The following PSME4 variants were observed in gnomAD, a reference collection of about 807,000 sequenced individuals.
The protein encoded by PSME4 is proteasome activator subunit 4, also known as proteasome activator complex subunit 4.
A neutral mutation model predicts 253.9 loss-of-function variants in PSME4; 89 were observed. The observed-to-expected ratio is 0.35, with a 90% confidence interval of 0.30 to 0.42. The LOEUF is 0.42. Ranked by LOEUF, PSME4 falls within the 10% of genes least tolerant of loss-of-function variation. The pLI, the probability that PSME4 is intolerant of heterozygous loss-of-function variation, is 1.00. For synonymous variants in PSME4, 851 were observed against 759.2 expected (o/e 1.12, Z -1.99); for missense variants, 2,014 against 2,195.2 (o/e 0.92, Z 1.65).
At position 53,916,542 on chromosome 2, in the gene PSME4, A is replaced by ATTTATT. The variant is rs1668072935; in HGVS notation, c.2516+2608_2516+2609insAATAAA. Among the ~76,000 whole-genome samples, 3 of 152,358 alleles carry ATTTATT rather than the reference A, an allele frequency of 2.0e-5. No individual in the cohort carries two copies. The South Asian group carries it at 6.2e-4, about 32-fold the overall frequency. On this transcript the variant is annotated intron_variant, in intron 20 of 46. Coordinates refer to ENST00000404125, the MANE Select transcript of PSME4 (RefSeq NM_014614.3). Reference sequence around the variant, plus strand: ...GCTGATAATCACCATAAATCATGCTACAGATATTCATTCTTCACACCAGGC... The same window carrying ATTTATT: ...GCTGATAATCACCATAAATCATGCTATTTATTCAGATATTCATTCTTCACACCAGGC...
rs1045880657 is a variant in PSME4 at position 53,948,443 on chromosome 2, G to C, written c.478C>G (p.Leu160Val). 6.2e-7 allele frequency: 1 copy of C among 1,610,818 alleles called. No homozygotes were observed. Among genetic ancestry groups the C allele is most frequent in the Middle Eastern group, 1.7e-4 (1 of 6,048 alleles). Residue 160 changes from leucine to valine, a missense_variant, in exon 3 of 47, where the codon CTA (leucine) becomes GTA (valine). By Grantham distance (32) the Leu-to-Val change is conservative (BLOSUM62 1). This residue lies in a region of PSME4 where 615 missense variants were observed against 594.4 expected (regional missense o/e 1.03). Transcript: ENST00000404125. ...TACTTAGGAAACCAATTTAATCCTA[G>C]GTGCTCTGTCTTGGAATATAATATT... The part of the protein sequence containing the change: ...ERILYSKTEH[L>V]GLNWFPNSVE...
intron 1 of PSME4, among the ~76,000 whole-genome samples, chr2:53,969,263 G>A (rs1670907022): frequency 6.6e-6 from 1 of 152,180 alleles, no homozygotes; most frequent in African/African-American, 2.4e-5. Flanking sequence ...GTCAAGGGGA[G>A]AGCTGTTAAC....
chr2:53,869,024 G>C (rs1678742065), intron 44 of PSME4, among the ~76,000 whole-genome samples: 1 of 152,080 alleles, frequency 6.6e-6, no homozygotes, highest in African/African-American at 2.4e-5. Flanking sequence ...TTTTCTGTTA[G>C]TACATCTACA....
In PSME4 at chr2:53,901,408, A is replaced by G. The variant is rs1680392878; in HGVS notation, c.3227T>C (p.Phe1076Ser). ...SLEKPSIVRL[F>S]DDLAEKIHRQ... ...ATGAATCTTTTCTGCAAGATCATCA[A>G]ACAATCTCACTATTGATGGCTTTTC... Residue 1076 changes from phenylalanine to serine, a missense_variant, in exon 28 of 47, where the codon TTT becomes TCT. Transcript: ENST00000404125. The G allele has an allele frequency of 6.2e-7, 1 of 1,614,070 alleles. No homozygotes were observed.
intron 1 of PSME4, among the ~76,000 whole-genome samples, chr2:53,956,223 T>C (rs1250816147): frequency 6.6e-6 from 1 of 152,070 alleles, no homozygotes; most frequent in African/African-American, 2.4e-5. Flanking sequence ...CATTTTCAGT[T>C]TTTTCACTTT....
chr2:53,963,204 T>C (rs1670566319), intron 1 of PSME4, among the ~76,000 whole-genome samples: 1 of 152,000 alleles, frequency 6.6e-6, no homozygotes, highest in Non-Finnish European at 1.5e-5. Flanking sequence ...TATATGTCTG[T>C]AGTCCAAGCT....
At chr2:53,960,895 G>A (rs773000419) in intron 1 of PSME4, among the ~76,000 whole-genome samples, 2 of 152,018 alleles carry the variant, frequency 1.3e-5, no homozygotes, top group Non-Finnish European at 2.9e-5. Flanking sequence ...ATCACGTGAG[G>A]TGAGGAGTTC....
intron 11 of PSME4, 48 bp downstream of exon 11, chr2:53,928,069 C>G: frequency 6.8e-7 from 1 of 1,464,586 alleles, no homozygotes; most frequent in Non-Finnish European, 9.3e-7. Context: ...GAGAAGTTTA[C>G]TTTGCCTCCT....
intron 3 of PSME4, 70 bp downstream of exon 3, chr2:53,948,351 T>A: frequency 1.1e-6 from 1 of 911,170 alleles, no homozygotes; most frequent in Non-Finnish European, 1.8e-6. Flanking sequence ...CTCAATATTT[T>A]TCAATCATGA....
chr2:53,933,449 G>A (rs1311849596), intron 8 of PSME4, among the ~76,000 whole-genome samples: 2 of 148,088 alleles, frequency 1.4e-5, no homozygotes, highest in African/African-American at 2.5e-5. Context: ...GCACAAACAT[G>A]GTTCACTGCA....
Position 53,866,083 on chromosome 2 carries a change from A to G in PSME4, c.*4+2T>C. 6.2e-7 allele frequency: 1 copy of G among 1,606,544 alleles called. No homozygotes were observed. Among genetic ancestry groups the G allele is most frequent in the Non-Finnish European group, 8.5e-7 (1 of 1,175,734 alleles). Reference sequence around the variant, plus strand: ...TGTAAATTCAGAACTTTGCTGACTTACCTTTCTATGCATAATAGCATGGTG... The same window carrying G: ...TGTAAATTCAGAACTTTGCTGACTTGCCTTTCTATGCATAATAGCATGGTG... On this transcript the variant is annotated splice_donor_variant, in intron 46 of 46. Transcript: ENST00000404125. LOFTEE classifies it low-confidence loss of function (3UTR_SPLICE).
chr2:53,904,858 C>T (rs556481871), intron 26 of PSME4, among the ~76,000 whole-genome samples: 6 of 151,448 alleles, frequency 4.0e-5, no homozygotes, highest in Admixed American at 1.3e-4. Flanking sequence ...CATGGTGGTG[C>T]GTGCCTGTAG....
In PSME4 at chr2:53,923,326, C is replaced by G. The variant is rs1668408801; in HGVS notation, c.1903G>C (p.Val635Leu). The change falls in exon 15 of 47, where the codon GTA becomes CTA. Residue 635 changes from valine to leucine, a missense_variant. Physicochemically the swap from Val to Leu is conservative, Grantham distance 32 (BLOSUM62 1). Coordinates refer to ENST00000404125, the MANE Select transcript of PSME4 (RefSeq NM_014614.3). ...RMVADMCRAA[V>L]KCCPEESLKL... is the part of the protein sequence containing the mutation. ...GTTCAAAAAAATAAACTCACCTTTA[C>G]AGCAGCGCGGCACATGTCTGCCACC... 1 of 1,599,806 alleles carries G rather than the reference C, an allele frequency of 6.3e-7. No homozygotes were observed. Among genetic ancestry groups the G allele is most frequent in the Non-Finnish European group, 8.5e-7 (1 of 1,176,238 alleles).
chr2:53,931,785 A>G, intron 10 of PSME4, 50 bp downstream of exon 10: 1 of 1,590,112 alleles, frequency 6.3e-7, no homozygotes, highest in Non-Finnish European at 8.6e-7. Flanking sequence ...CGAGCTGAAC[A>G]GACCAAAAGA....
At position 53,934,594 on chromosome 2, in the gene PSME4, G is replaced by C. The variant is rs775072798; in HGVS notation, c.957+11C>G. 1.0e-5 allele frequency: 16 copies of C among 1,602,150 alleles called. 1 individual carries two copies. Among genetic ancestry groups the C allele is most frequent in the Middle Eastern group, 1.7e-4 (1 of 6,028 alleles). On this transcript the variant is annotated intron_variant, in intron 8 of 46. Transcript: ENST00000404125. The stretch of plus-strand genomic sequence containing the variant: ...GTAAACTACAGAAAACAAATATAAT[G>C]TATTACAAACCATCATGGCGGTGAT...
intron 43 of PSME4, 132 bp downstream of exon 43, chr2:53,874,207 G>A: frequency 2.3e-6 from 2 of 881,486 alleles, no homozygotes; most frequent in Non-Finnish European, 1.7e-6. Flanking sequence ...TGATCTCACT[G>A]ACTTCGTCTC....
intron 20 of PSME4, among the ~76,000 whole-genome samples, chr2:53,912,577 C>T (rs1314589291): frequency 6.6e-6 from 1 of 152,194 alleles, no homozygotes; most frequent in Non-Finnish European, 1.5e-5. Context: ...ACATACACCT[C>T]AGGCTCTTGA....
intron 6 of PSME4, 109 bp downstream of exon 6, chr2:53,936,653 AGT>A: frequency 4.1e-6 from 3 of 730,798 alleles, no homozygotes; most frequent in Middle Eastern, 5.2e-4. Flanking sequence ...AGGAACTTCA[AGT>A]TACTTACCAA....
intron 43 of PSME4, among the ~76,000 whole-genome samples, chr2:53,871,616 T>A (rs535781735): frequency 4.6e-5 from 7 of 152,228 alleles, no homozygotes; most frequent in Non-Finnish European, 8.8e-5. Context: ...CATGTTTTGA[T>A]GTGACGTCTA....
Sources: gnomAD v4.1 joint callset for allele counts (sites outside exome capture counted in the v4.1 genomes callset) on GRCh38, gnomAD v4.1.1 for gene constraint, gnomAD v4.1.1 regional missense constraint, MANE v1.5 for transcripts, NCBI Gene and HGNC (gene_info 2026-07-23, HGNC 2026-07-21) for gene names.